Variants in FANK1 observed in about 807,000 individuals in gnomAD.
The protein encoded by FANK1 is fibronectin type 3 and ankyrin repeat domains protein 1.
FANK1 carries 44 observed loss-of-function variants against 45.3 expected under a neutral mutation model. The ratio of observed to expected loss-of-function variants is 0.97; its 90% CI spans 0.76 to 1.25. The LOEUF is 1.25. FANK1 is among the 50% of genes most tolerant of loss of function. The pLI, the probability that FANK1 is intolerant of heterozygous loss-of-function variation, is 0.00. For synonymous variants in FANK1, 149 were observed against 152.5 expected (o/e 0.98, Z 0.17); for missense variants, 391 against 424.4 (o/e 0.92, Z 0.69).
At chr10:125,932,007 A>G (rs767010117) in intron 1 of FANK1, among the ~76,000 whole-genome samples, 4 of 152,070 alleles carry the variant, frequency 2.6e-5, no homozygotes, top group Non-Finnish European at 5.9e-5. Context: ...TCAGTTGGTT[A>G]TAAGTGTTTG....
intron 1 of FANK1, among the ~76,000 whole-genome samples, chr10:125,932,691 T>C (rs1947830857): frequency 6.6e-6 from 1 of 152,204 alleles, no homozygotes; most frequent in Non-Finnish European, 1.5e-5. Flanking sequence ...TCTTTACCGA[T>C]TTGGATGCCC....
At chr10:125,943,734 C>T (rs1169729723) in intron 1 of FANK1, among the ~76,000 whole-genome samples, 1 of 152,138 alleles carries the variant, frequency 6.6e-6, no homozygotes. Flanking sequence ...TTATAATGGG[C>T]AAACCACCTC....
chr10:125,988,603 A>G lies in FANK1; in HGVS notation c.244A>G (p.Arg82Gly), dbSNP rs1951720998. The change falls in exon 3 of 11, where the codon AGA (arginine) becomes GGA (glycine). Residue 82 changes from arginine to glycine, a missense_variant. Transcript: ENST00000368693. The stretch of plus-strand genomic sequence containing the variant: ...AGGTCTGGAACCAAGGACGCTGTAC[A>G]GATTTCGCCTGAAGGTCACCAGCCC... ...VEGLEPRTLY[R>G]FRLKVTSPSG... is the part of the protein sequence containing the mutation. 4 of 1,614,246 alleles carry G rather than the reference A, an allele frequency of 2.5e-6. No individual in the cohort carries two copies. The African/African-American group carries it at 4.0e-5, about 16-fold the overall frequency.
rs1252351249 is a variant in FANK1, at chr10:126,008,467, G to A, written c.766G>A (p.Gly256Arg). The A allele has an allele frequency of 2.5e-6, 4 of 1,613,558 alleles. No individual in the cohort carries two copies. The South Asian group carries it at 4.4e-5, about 18-fold the overall frequency. ...ACTCATGAGAGTCTCTGCGGTGTCG[G>A]GAAATCAGAGGGTGGCCTCTCTTCT... ...TPLMRVSAVS[G>R]NQRVASLLID... is the part of the protein sequence containing the mutation. Residue 256 changes from glycine (G) to arginine (R), a missense_variant, in exon 8 of 11, where the codon GGA (glycine) becomes AGA (arginine). Gly to Arg is a moderately radical substitution (Grantham distance 125, BLOSUM62 -2). Transcript: ENST00000368693.
intron 1 of FANK1, among the ~76,000 whole-genome samples, chr10:125,941,873 T>C (rs926819278): frequency 6.6e-6 from 1 of 152,262 alleles, no homozygotes; most frequent in East Asian, 1.9e-4. Flanking sequence ...TACAATGTTA[T>C]TTCACTTTTA....
chr10:126,004,692 T>C (rs1190736790), intron 6 of FANK1, 192 bp from the exon 7 acceptor site: 2 of 571,074 alleles, frequency 3.5e-6, no homozygotes, highest in Non-Finnish European at 6.2e-6. Context: ...ACTTCATTTC[T>C]AATATTCCAT....
At chr10:125,977,160 G>A (rs1461281020) in intron 1 of FANK1, among the ~76,000 whole-genome samples, 3 of 152,148 alleles carry the variant, frequency 2.0e-5, no homozygotes, top group East Asian at 1.9e-4. Context: ...TTTGGAGGGC[G>A]TATGACACTC....
At chr10:125,951,724 C>G (rs1175097238) in intron 1 of FANK1, among the ~76,000 whole-genome samples, 1 of 152,134 alleles carries the variant, frequency 6.6e-6, no homozygotes, top group Non-Finnish European at 1.5e-5. Context: ...TTTTGAGGCT[C>G]CTGCCAATCT....
chr10:125,996,430 A>G (rs970854585), intron 4 of FANK1, 120 bp from the exon 5 acceptor site: 29 of 799,186 alleles, frequency 3.6e-5, no homozygotes, highest in Non-Finnish European at 4.7e-5. Context: ...GGCCACAAAG[A>G]AATTGGAATT....
chr10:125,995,408 T>C lies in FANK1; in HGVS notation c.317-9T>C. On this transcript the variant is annotated splice_polypyrimidine_tract_variant and intron_variant, in intron 3 of 10. Transcript: ENST00000368693. ...TTCTGGATGACTGCCTTCCATCTCA[T>C]TTCTCCAGGAGAGCCCATAAGTAGT... is the stretch of plus-strand genomic sequence containing the variant. The C allele has an allele frequency of 6.2e-7, 1 of 1,613,882 alleles. No homozygotes were observed. The highest frequency in any genetic ancestry group is 1.1e-5 in the South Asian group (1 of 91,054).
At chr10:125,981,973 T>G (rs1487165253) in intron 2 of FANK1, among the ~76,000 whole-genome samples, 1 of 152,218 alleles carries the variant, frequency 6.6e-6, no homozygotes, top group Admixed American at 6.5e-5. Context: ...TGATAATATA[T>G]CTGATATTTG....
chr10:125,926,726 T>C (rs961825089), intron 1 of FANK1, among the ~76,000 whole-genome samples: 2 of 152,206 alleles, frequency 1.3e-5, no homozygotes, highest in African/African-American at 4.8e-5. Context: ...TTTTTCCTGC[T>C]CTTCATTTCT....
chr10:126,008,368 G>T (rs762145455), intron 7 of FANK1, 39 bp from the exon 8 acceptor site: 4 of 1,534,236 alleles, frequency 2.6e-6, no homozygotes, highest in South Asian at 1.3e-5. Context: ...TTAAGAAAAA[G>T]AAATTGGGCT....
At chr10:125,909,150 A>G (rs1176641345) in intron 1 of FANK1, among the ~76,000 whole-genome samples, 1 of 152,218 alleles carries the variant, frequency 6.6e-6, no homozygotes, top group Non-Finnish European at 1.5e-5. Context: ...TATGGTAGCT[A>G]CTTTCACCCA....
chr10:125,992,129 G>C (rs1951989995), intron 3 of FANK1, among the ~76,000 whole-genome samples: 1 of 152,136 alleles, frequency 6.6e-6, no homozygotes, highest in Non-Finnish European at 1.5e-5. Flanking sequence ...CATTCCCTTG[G>C]GCCAGGCCCA....
At chr10:125,913,183 C>T (rs868445674) in intron 1 of FANK1, among the ~76,000 whole-genome samples, 1 of 152,092 alleles carries the variant, frequency 6.6e-6, no homozygotes, top group African/African-American at 2.4e-5. Flanking sequence ...ACAGAAATGC[C>T]CAACAGGTGA....
At chr10:125,957,804 C>T (rs369172023) in intron 1 of FANK1, among the ~76,000 whole-genome samples, 4 of 152,222 alleles carry the variant, frequency 2.6e-5, no homozygotes, top group Admixed American at 2.0e-4. Flanking sequence ...AGGTTATAGG[C>T]GTGAGCCACC....
intron 1 of FANK1, among the ~76,000 whole-genome samples, chr10:125,930,549 G>A (rs943859939): frequency 2.0e-5 from 3 of 151,196 alleles, no homozygotes; most frequent in Admixed American, 1.3e-4. Flanking sequence ...TGTTTCCCAG[G>A]CTGGTCTTGA....
At chr10:125,999,778 T>TA (rs1232264747) in intron 6 of FANK1, among the ~76,000 whole-genome samples, 1 of 152,194 alleles carries the variant, frequency 6.6e-6, no homozygotes, top group Non-Finnish European at 1.5e-5. Flanking sequence ...TTTAATGAGT[T>TA]AATATGAAAA....
Sources: gnomAD v4.1 joint callset for allele counts (sites outside exome capture counted in the v4.1 genomes callset) on GRCh38, gnomAD v4.1.1 for gene constraint, MANE v1.5 for transcripts, NCBI Gene and HGNC (gene_info 2026-07-23, HGNC 2026-07-21) for gene names.